The following FNDC3B variants were observed in gnomAD, a reference collection of about 807,000 sequenced individuals.
The protein encoded by FNDC3B is fibronectin type III domain containing 3B.
FNDC3B carries 12 observed loss-of-function variants against 151.5 expected under a neutral mutation model. The ratio of observed to expected loss-of-function variants is 0.08; its 90% confidence interval spans 0.05 to 0.13. FNDC3B has a LOEUF of 0.13. Ranked by LOEUF, FNDC3B falls within the 10% of genes least tolerant of loss-of-function variation. FNDC3B has a pLI of 1.00. For missense variants in FNDC3B, 1,214 were observed against 1,505.3 expected, an observed-to-expected ratio of 0.81 and a Z score of 3.20; for synonymous variants, 528 against 549.0, an observed-to-expected ratio of 0.96 and a Z score of 0.54.
chr3:172,194,373 C>T (rs180820475), intron 3 of FNDC3B, among the ~76,000 whole-genome samples: 3 of 152,232 alleles, frequency 2.0e-5, no homozygotes, highest in East Asian at 3.9e-4. Context: ...TGATTCTTGT[C>T]GTTGATGGAT....
At chr3:172,396,619 C>T (rs1448844660) in intron 25 of FNDC3B, among the ~76,000 whole-genome samples, 2 of 152,154 alleles carry the variant, frequency 1.3e-5, no homozygotes, top group Non-Finnish European at 2.9e-5. Flanking sequence ...CAAGCAGGAA[C>T]GTTACTGCCT....
At chr3:172,376,511 A>C (rs890656134) in intron 23 of FNDC3B, among the ~76,000 whole-genome samples, 1 of 152,208 alleles carries the variant, frequency 6.6e-6, no homozygotes, top group Non-Finnish European at 1.5e-5. Flanking sequence ...TTTGTGATAT[A>C]ATTAAGGGCA....
At chr3:172,308,862 A>G (rs1731324710) in intron 10 of FNDC3B, among the ~76,000 whole-genome samples, 1 of 152,214 alleles carries the variant, frequency 6.6e-6, no homozygotes, top group African/African-American at 2.4e-5. Flanking sequence ...TACATATGTA[A>G]ATATATCTTT....
chr3:172,325,691 C>G (rs985611371), intron 11 of FNDC3B, among the ~76,000 whole-genome samples: 1 of 152,232 alleles, frequency 6.6e-6, no homozygotes, highest in Non-Finnish European at 1.5e-5. Flanking sequence ...AGTAGACAGA[C>G]CAGCACGCTG....
chr3:172,399,810 T>A lies in FNDC3B; in HGVS notation c.*2335T>A, dbSNP rs1038180364. On this transcript the variant is annotated 3_prime_UTR_variant, in exon 26 of 26. Transcript: ENST00000415807. ...TTTTGAAACACTTCAGAACTGCTGC[T>A]ATAAAGAAATTCTCTAATTGGTTGA... The A allele has an allele frequency of 6.9e-6, 1 of 144,972 alleles. No individual in the cohort carries two copies. Among genetic ancestry groups the A allele is most frequent in the African/African-American group, 2.6e-5 (1 of 38,518 alleles). 9.0% of individuals were successfully genotyped at this position (144,972 alleles called of 1,614,324 possible). A position where few individuals can be genotyped will look rare whatever the true frequency, so the allele number is the denominator to read the frequency against.
rs570981302 is a variant in FNDC3B at position 172,286,512 on chromosome 3, C to T, written c.849+528C>T. On this transcript the variant is annotated intron_variant, in intron 7 of 25. Coordinates refer to ENST00000415807, the MANE Select transcript of FNDC3B (RefSeq NM_022763.4). ...AAGTGAAAAACTCAGAATGTTGATT[C>T]AGCCTTTCATCTGAGATTAGAGAGC... 3.3e-5 allele frequency among the ~76,000 whole-genome samples: 5 copies of T among 152,304 alleles called. No individual in the cohort carries two copies. The South Asian group carries it at 6.2e-4, about 19-fold the overall frequency.
At chr3:172,361,717 C>G (rs941775881) in intron 22 of FNDC3B, among the ~76,000 whole-genome samples, 3 of 152,290 alleles carry the variant, frequency 2.0e-5, no homozygotes, top group African/African-American at 7.2e-5. Context: ...TTTCAGGTAT[C>G]TTTATAGCAA....
At chr3:172,212,504 G>A (rs956418761) in intron 3 of FNDC3B, among the ~76,000 whole-genome samples, 1 of 152,130 alleles carries the variant, frequency 6.6e-6, no homozygotes, top group African/African-American at 2.4e-5. Flanking sequence ...GACTCTGAAG[G>A]CCTGGAAATC....
intron 1 of FNDC3B, among the ~76,000 whole-genome samples, chr3:172,101,614 A>G (rs944921244): frequency 6.6e-6 from 1 of 152,196 alleles, no homozygotes; most frequent in Non-Finnish European, 1.5e-5. Context: ...CTTATTTTAC[A>G]GTAGTTACTT....
intron 3 of FNDC3B, among the ~76,000 whole-genome samples, chr3:172,185,406 G>C (rs918583897): frequency 2.0e-5 from 3 of 152,124 alleles, no homozygotes; most frequent in Non-Finnish European, 2.9e-5. Context: ...CCTGTGCATG[G>C]CCGCACCTCT....
At chr3:172,310,422 A>G (rs1244723962) in intron 10 of FNDC3B, among the ~76,000 whole-genome samples, 1 of 152,220 alleles carries the variant, frequency 6.6e-6, no homozygotes, top group African/African-American at 2.4e-5. Context: ...GGGATGTTAT[A>G]AAAAGAAAGG....
chr3:172,284,807 C>T (rs1729922099), intron 6 of FNDC3B, among the ~76,000 whole-genome samples: 1 of 150,644 alleles, frequency 6.6e-6, no homozygotes, highest in East Asian at 1.9e-4. Flanking sequence ...ATTCTTCCCA[C>T]CTCCCTCCAC....
intron 22 of FNDC3B, among the ~76,000 whole-genome samples, chr3:172,361,394 C>T (rs7621658): frequency 0.011 from 1,749 of 152,288 alleles, 35 homozygotes; most frequent in African/African-American, 0.039. Context: ...GCAGCCAGGT[C>T]ACCTCTTGAA....
chr3:172,341,448 C>CA (rs1158394460), intron 17 of FNDC3B, among the ~76,000 whole-genome samples: 2 of 152,146 alleles, frequency 1.3e-5, no homozygotes, highest in African/African-American at 4.8e-5. Flanking sequence ...TTTTCGGGTA[C>CA]ATTTGTCACT....
chr3:172,110,359 T>A (rs983822821), intron 1 of FNDC3B, among the ~76,000 whole-genome samples: 5 of 152,000 alleles, frequency 3.3e-5, no homozygotes, highest in Non-Finnish European at 5.9e-5. Context: ...TTCAAAACTT[T>A]GGTTAGATGG....
At chr3:172,282,303 T>C (rs1364275780) in intron 6 of FNDC3B, among the ~76,000 whole-genome samples, 7 of 151,618 alleles carry the variant, frequency 4.6e-5, no homozygotes, top group Non-Finnish European at 8.9e-5. Flanking sequence ...ATTAAATAAA[T>C]GTAATATAAG....
chr3:172,251,594 A>C, intron 6 of FNDC3B, 53 bp downstream of exon 6: 626 of 1,464,422 alleles, frequency 4.3e-4, no homozygotes, highest in Middle Eastern at 5.4e-4. Flanking sequence ...GAGACATCTC[A>C]AATGATGTTT....
intron 18 of FNDC3B, 30 bp downstream of exon 18, chr3:172,343,146 G>A: frequency 1.9e-6 from 2 of 1,078,026 alleles, no homozygotes; most frequent in Non-Finnish European, 2.9e-6. Context: ...CATTGACATT[G>A]ACAATTTGGA....
intron 4 of FNDC3B, among the ~76,000 whole-genome samples, chr3:172,242,876 T>A (rs1038380787): frequency 6.6e-6 from 1 of 152,204 alleles, no homozygotes; most frequent in Non-Finnish European, 1.5e-5. Context: ...TTTCCAAAGT[T>A]TTATGCTCCG....
Sources: allele counts gnomAD v4.1 joint callset (sites outside exome capture counted in the v4.1 genomes callset), GRCh38; gene constraint gnomAD v4.1.1; transcripts MANE v1.5; gene names NCBI Gene and HGNC (gene_info 2026-07-23, HGNC 2026-07-21).